The following SMOC2 variants were observed in gnomAD, a reference collection of about 807,000 sequenced individuals.
The protein encoded by SMOC2 is SPARC related modular calcium binding 2.
A neutral mutation model predicts 61.4 loss-of-function variants in SMOC2; 39 were observed. That is an observed-to-expected ratio of 0.64 (90% CI 0.49 to 0.83). The LOEUF (loss-of-function observed/expected upper bound fraction) is 0.83. Among genes scored for constraint, SMOC2 ranks in the 40% least tolerant of loss-of-function variants. The pLI is 0.00. For synonymous variants in SMOC2, 247 were observed against 239.9 expected (o/e 1.03, Z -0.27); for missense variants, 556 against 592.9 (o/e 0.94, Z 0.65).
Position 168,492,007 on chromosome 6 carries a change from C to T in SMOC2, c.85-17908C>T, listed in dbSNP as rs139988455. Among the ~76,000 whole-genome samples, 198 of 152,272 alleles carry T rather than the reference C, an allele frequency of 1.3e-3. 1 individual carries two copies. Among genetic ancestry groups the T allele is most frequent in the African/African-American group, 4.6e-3 (192 of 41,558 alleles). The stretch of plus-strand genomic sequence containing the variant: ...TTTTCTCACTTTAGAAGGAAGTCTC[C>T]TAATTCTGAATTTCTTTGAACATGG... On this transcript the variant is annotated intron_variant, in intron 1 of 12. Transcript: ENST00000356284.
At chr6:168,566,588 T>C (rs1784547574) in intron 7 of SMOC2, among the ~76,000 whole-genome samples, 1 of 151,482 alleles carries the variant, frequency 6.6e-6, no homozygotes, top group African/African-American at 2.4e-5. Flanking sequence ...GTTCAAGTGA[T>C]TCTCCTGCCT....
intron 9 of SMOC2, among the ~76,000 whole-genome samples, chr6:168,631,281 C>T (rs748343305): frequency 2.1e-4 from 32 of 152,232 alleles, no homozygotes; most frequent in African/African-American, 6.0e-4. Flanking sequence ...ACGTGAATTT[C>T]GGGGCCGATT....
chr6:168,558,934 TGTGCGTGTGC>T (rs1784321399), intron 7 of SMOC2, among the ~76,000 whole-genome samples: 1 of 152,064 alleles, frequency 6.6e-6, no homozygotes, highest in Non-Finnish European at 1.5e-5. Flanking sequence ...TGCGCACGTG[TGTGCGTGTGC>T]ATGCGTGTGC....
chr6:168,550,582 C>T (rs1047706191), intron 7 of SMOC2, among the ~76,000 whole-genome samples: 10 of 152,160 alleles, frequency 6.6e-5, no homozygotes, highest in African/African-American at 2.4e-4. Context: ...GTGATCTCTG[C>T]CCCATGATGC....
At chr6:168,538,357 G>A (rs1310836098) in intron 4 of SMOC2, among the ~76,000 whole-genome samples, 1 of 126,028 alleles carries the variant, frequency 7.9e-6, no homozygotes, top group Admixed American at 8.0e-5. Flanking sequence ...TGTGGGGAGT[G>A]GGGTGACCCC....
chr6:168,500,445 G>A (rs1229448491), intron 1 of SMOC2, among the ~76,000 whole-genome samples: 2 of 152,158 alleles, frequency 1.3e-5, no homozygotes, highest in Non-Finnish European at 2.9e-5. Context: ...TGACTCGGGT[G>A]GAAGGACAGC....
chr6:168,518,727 GTGTGCATGTGTGTGAA>G (rs1278314059), intron 2 of SMOC2, among the ~76,000 whole-genome samples: 3 of 150,462 alleles, frequency 2.0e-5, no homozygotes, highest in Admixed American at 6.6e-5. Context: ...GCTTATGTGA[GTGTGCATGTGTGTGAA>G]TGTGCATGTG....
intron 1 of SMOC2, among the ~76,000 whole-genome samples, chr6:168,501,031 G>A (rs1036404311): frequency 3.9e-5 from 6 of 152,198 alleles, no homozygotes; most frequent in African/African-American, 1.2e-4. Flanking sequence ...TAGGGGACTT[G>A]TACAATCTAC....
chr6:168,453,808 T>G lies in SMOC2; in HGVS notation c.84+12354T>G, dbSNP rs2114995982. 6.6e-6 allele frequency among the ~76,000 whole-genome samples: 1 copy of G among 151,930 alleles called. No homozygotes were observed. Among genetic ancestry groups the G allele is most frequent in the South Asian group, 2.1e-4 (1 of 4,796 alleles). On this transcript the variant is annotated intron_variant, in intron 1 of 12. Coordinates refer to ENST00000356284, the MANE Select transcript of SMOC2 (RefSeq NM_001166412.2). This position sits in a 1 kb window ranked among gnomAD's most constrained non-coding sequence, Gnocchi z 4.4. ...CTCTTGGTCTCTGTCATTCTCCATC[T>G]CTGTCCTCTATCTCTCTCCGTCTCT...
chr6:168,481,591 C>T (rs746306364), intron 1 of SMOC2, among the ~76,000 whole-genome samples: 14 of 151,842 alleles, frequency 9.2e-5, no homozygotes, highest in Non-Finnish European at 1.5e-4. Flanking sequence ...TAAGACAGGA[C>T]ATGCAGGAAA....
intron 1 of SMOC2, among the ~76,000 whole-genome samples, chr6:168,499,469 A>G (rs1394674453): frequency 6.6e-6 from 1 of 152,206 alleles, no homozygotes; most frequent in East Asian, 1.9e-4. Flanking sequence ...TGTGCGTTGC[A>G]GCCCAGAGAC....
intron 9 of SMOC2, among the ~76,000 whole-genome samples, chr6:168,613,894 C>T (rs1477378632): frequency 2.2e-5 from 2 of 91,508 alleles, no homozygotes; most frequent in African/African-American, 4.5e-5. Context: ...GACCTCTTCA[C>T]ACCTACAGCC....
chr6:168,564,355 G>A (rs1330321215), intron 7 of SMOC2, among the ~76,000 whole-genome samples: 4 of 152,020 alleles, frequency 2.6e-5, no homozygotes, highest in South Asian at 2.1e-4. Context: ...ACAAGTCCCC[G>A]TACAGTACAT....
At chr6:168,626,257 T>G (rs569789379) in intron 9 of SMOC2, among the ~76,000 whole-genome samples, 2 of 152,258 alleles carry the variant, frequency 1.3e-5, no homozygotes, top group African/African-American at 4.8e-5. Flanking sequence ...CCGTTTCTGC[T>G]CCCTGTGCAG....
intron 7 of SMOC2, among the ~76,000 whole-genome samples, chr6:168,563,459 A>G (rs1285917489): frequency 6.6e-6 from 1 of 152,186 alleles, no homozygotes; most frequent in African/African-American, 2.4e-5. Context: ...ACACACACAC[A>G]CATATAAACT....
chr6:168,522,348 C>T (rs577560604), intron 2 of SMOC2, among the ~76,000 whole-genome samples: 3 of 152,340 alleles, frequency 2.0e-5, no homozygotes, highest in Non-Finnish European at 4.4e-5. Flanking sequence ...ATCATTTCTA[C>T]TTTTTACCCA....
At chr6:168,627,435 A>G (rs1018533540) in intron 9 of SMOC2, among the ~76,000 whole-genome samples, 1 of 152,036 alleles carries the variant, frequency 6.6e-6, no homozygotes, top group Admixed American at 6.5e-5. Context: ...TTTTTATTAG[A>G]TTTCCCTCTT....
At chr6:168,517,976 G>T (rs1034099926) in intron 2 of SMOC2, among the ~76,000 whole-genome samples, 2 of 152,230 alleles carry the variant, frequency 1.3e-5, no homozygotes, top group Non-Finnish European at 1.5e-5. Context: ...ACGAGGAGCC[G>T]GTTCAGAGAA....
At position 168,453,075 on chromosome 6, in the gene SMOC2, T is replaced by TC. The variant is rs1781499860; in HGVS notation, c.84+11625dup. 6.6e-6 allele frequency among the ~76,000 whole-genome samples: 1 copy of TC among 152,038 alleles called. No individual in the cohort carries two copies. Among genetic ancestry groups the TC allele is most frequent in the East Asian group, 1.9e-4 (1 of 5,168 alleles). On this transcript the variant is annotated intron_variant, in intron 1 of 12. Transcript: ENST00000356284. The surrounding 1 kb of genome is among the most constrained non-coding windows in gnomAD (Gnocchi z 4.4). ...CACAGCCTCTGTTTCTGCACCAGAG[T>TC]CCCCAGGGCCTTGGCCGGACACTCA...
Sources: gnomAD v4.1 joint callset for allele counts (sites outside exome capture counted in the v4.1 genomes callset) on GRCh38, gnomAD v4.1.1 for gene constraint, Gnocchi (gnomAD v3.1) non-coding constraint, MANE v1.5 for transcripts, NCBI Gene and HGNC (gene_info 2026-07-23, HGNC 2026-07-21) for gene names.